RARA: variants seen among roughly 807,000 people sequenced by gnomAD.
RARA encodes the protein PML-DDX5-RARA fusion.
Under a neutral mutation model 42.8 loss-of-function variants are expected in RARA, and 5 were observed. The ratio of observed to expected loss-of-function variants is 0.12; its 90% CI spans 0.06 to 0.25. RARA has a LOEUF of 0.25. Ranked by LOEUF, RARA falls within the 10% of genes least tolerant of loss-of-function variation. The pLI is 1.00. For missense variants in RARA, 402 were observed against 628.7 expected (o/e 0.64, Z 3.86); for synonymous variants, 256 against 259.5 (o/e 0.99, Z 0.13).
Position 40,356,364 on chromosome 17 carries a change from G to A in RARA, c.*138G>A. The stretch of plus-strand genomic sequence containing the variant: ...ACTGGGGACCTTCCCTGGGGGACGG[G>A]GAGGGAGGAGGCAGCGACTCCTTGG... On this transcript the variant is annotated 3_prime_UTR_variant, in exon 9 of 9. Coordinates refer to ENST00000254066, the MANE Select transcript of RARA (RefSeq NM_000964.4). The A allele has an allele frequency of 1.0e-6, 1 of 968,708 alleles. No homozygotes were observed. Among genetic ancestry groups the A allele is most frequent in the Non-Finnish European group, 1.6e-6 (1 of 628,240 alleles). The allele number at this position is 968,708 out of a possible 1,614,324, so 60.0% of individuals were successfully genotyped here.
In RARA at chr17:40,339,884, C is replaced by T. The variant is rs539120844; in HGVS notation, c.179-8432C>T. On this transcript the variant is annotated intron_variant, in intron 2 of 8. Transcript: ENST00000254066. ...GCCTTGCTCCATCATTTGAAAGATC[C>T]CGAAGGCATGGAAGCACTCTGTCCT... Among the ~76,000 whole-genome samples, 6 of 152,220 alleles carry T rather than the reference C, an allele frequency of 3.9e-5. No homozygotes were observed. The East Asian group carries it at 9.6e-4, about 24-fold the overall frequency.
At position 40,355,457 on chromosome 17, in the gene RARA, G is replaced by A. The variant is rs758485059; in HGVS notation, c.1171+36G>A. On this transcript the variant is annotated intron_variant, in intron 8 of 8. Coordinates refer to ENST00000254066, the MANE Select transcript of RARA (RefSeq NM_000964.4). The surrounding 1 kb of genome is among the most constrained non-coding windows in gnomAD (Gnocchi z 4.1). ...CAGACCTGGAGGGGTACCGGCCCCCGACACCTGGCCCAGGCCCCCACATCC... is the reference window on the plus strand; with the variant it reads ...CAGACCTGGAGGGGTACCGGCCCCCAACACCTGGCCCAGGCCCCCACATCC... 27 of 1,580,660 alleles carry A rather than the reference G, an allele frequency of 1.7e-5. No individual in the cohort carries two copies. The highest frequency in any genetic ancestry group is 2.3e-5 in the East Asian group (1 of 44,324).
intron 1 of RARA, among the ~76,000 whole-genome samples, chr17:40,321,354 G>A (rs2143200526): frequency 6.6e-6 from 1 of 151,852 alleles, no homozygotes; most frequent in Admixed American, 6.6e-5. Context: ...CTCCCCCCTA[G>A]CTGGGACCGC....
At chr17:40,348,514 T>C in intron 3 of RARA, 50 bp downstream of exon 3, 1 of 1,588,822 alleles carries the variant, frequency 6.3e-7, no homozygotes, top group Non-Finnish European at 8.6e-7. Context: ...GTCAATGGGA[T>C]GTCCCCACTT....
intron 3 of RARA, chr17:40,348,753 T>G: frequency 3.6e-6 from 1 of 274,120 alleles, no homozygotes; most frequent in Non-Finnish European, 6.8e-6. Context: ...GCTGCCCAGG[T>G]TGCCATGGTG....
intron 2 of RARA, among the ~76,000 whole-genome samples, chr17:40,334,043 C>A (rs1404384841): frequency 6.6e-6 from 1 of 152,232 alleles, no homozygotes; most frequent in African/African-American, 2.4e-5. Context: ...GACACTCTGT[C>A]CATCTGGAGC....
chr17:40,337,868 A>T (rs1442228961), intron 2 of RARA, among the ~76,000 whole-genome samples: 1 of 151,744 alleles, frequency 6.6e-6, no homozygotes. Context: ...CCTGCTTCCC[A>T]CTCTTTCCCT....
chr17:40,324,172 A>T (rs1048521024), intron 1 of RARA, among the ~76,000 whole-genome samples: 10 of 152,088 alleles, frequency 6.6e-5, no homozygotes, highest in Non-Finnish European at 1.5e-4. Context: ...GTGGTTTCCA[A>T]GCTAGGGGGT....
rs1209654119 is a variant in RARA at position 40,345,755 on chromosome 17, C to T, written c.179-2561C>T. On this transcript the variant is annotated intron_variant, in intron 2 of 8. Transcript: ENST00000254066. This position sits in a 1 kb window ranked among gnomAD's most constrained non-coding sequence, Gnocchi z 4.8. ...GATGGGCCAGGCCCGGGCAGTCCCT[C>T]CCCCGTTGGTGTCCCTCCCCACTCC... Among the ~76,000 whole-genome samples, 1 of 152,138 alleles carries T rather than the reference C, an allele frequency of 6.6e-6. No individual in the cohort carries two copies. Among genetic ancestry groups the T allele is most frequent in the African/African-American group, 2.4e-5 (1 of 41,418 alleles).
rs2715552 is a variant in RARA at position 40,340,103 on chromosome 17, C to T, written c.179-8213C>T. Among the ~76,000 whole-genome samples, 338 of 152,210 alleles carry T rather than the reference C, an allele frequency of 2.2e-3. 3 individuals carry two copies. Among genetic ancestry groups the T allele is most frequent in the Non-Finnish European group, 2.8e-3 (193 of 68,020 alleles). ...CACAAGTCTCTTTGCTACCTCTTTT[C>T]CCATACCCCTTACCCCCACCCCCCC... On this transcript the variant is annotated intron_variant, in intron 2 of 8. Transcript: ENST00000254066.
chr17:40,323,790 C>G (rs958996004), intron 1 of RARA, among the ~76,000 whole-genome samples: 15 of 122,740 alleles, frequency 1.2e-4, no homozygotes, highest in African/African-American at 4.6e-4. Context: ...TGACTCAGGC[C>G]TGGTCTGGGG....
chr17:40,323,870 G>C (rs986939366), intron 1 of RARA, among the ~76,000 whole-genome samples: 1 of 151,576 alleles, frequency 6.6e-6, no homozygotes, highest in African/African-American at 2.4e-5. Context: ...CTGCAGCGTG[G>C]GTCCCCAGGG....
intron 2 of RARA, among the ~76,000 whole-genome samples, chr17:40,336,227 G>A (rs1444074950): frequency 1.3e-5 from 2 of 152,008 alleles, no homozygotes; most frequent in South Asian, 4.1e-4. Flanking sequence ...ACAGGCGCCC[G>A]CCACTATGCT....
chr17:40,332,127 G>A (rs544057326), intron 2 of RARA, among the ~76,000 whole-genome samples: 39 of 152,316 alleles, frequency 2.6e-4, no homozygotes, highest in African/African-American at 9.4e-4. Context: ...CCGGCTGGCC[G>A]AGCCAGGTAG....
chr17:40,311,724 G>A (rs2033100022), intron 1 of RARA, among the ~76,000 whole-genome samples: 2 of 152,288 alleles, frequency 1.3e-5, no homozygotes. Flanking sequence ...TCCCCTGCAG[G>A]GCTCCAGAGA....
Position 40,319,957 on chromosome 17 carries a change from TG to T in RARA, c.-363+10673del, listed in dbSNP as rs572820033. Among the ~76,000 whole-genome samples, 4 of 151,870 alleles carry T rather than the reference TG, an allele frequency of 2.6e-5. No homozygotes were observed. The East Asian group carries it at 7.8e-4, about 29-fold the overall frequency. Reference sequence around the variant, plus strand: ...TCAGGGAGTTTGTGGCTGTGAAAAATGGTATGCTGGAGGGAGCTGGGACATC... The same window carrying T: ...TCAGGGAGTTTGTGGCTGTGAAAAATGTATGCTGGAGGGAGCTGGGACATC... On this transcript the variant is annotated intron_variant, in intron 1 of 8. Coordinates refer to ENST00000254066, the MANE Select transcript of RARA (RefSeq NM_000964.4).
At chr17:40,316,370 G>A (rs922224004) in intron 1 of RARA, among the ~76,000 whole-genome samples, 1 of 152,230 alleles carries the variant, frequency 6.6e-6, no homozygotes, top group Non-Finnish European at 1.5e-5. Context: ...TTGTTCATGC[G>A]TGGATGTGCA....
chr17:40,314,926 A>G (rs1445327487), intron 1 of RARA, among the ~76,000 whole-genome samples: 1 of 151,310 alleles, frequency 6.6e-6, no homozygotes, highest in Non-Finnish European at 1.5e-5. Context: ...TCTCTCTGGC[A>G]TGTCCTGGCC....
intron 2 of RARA, among the ~76,000 whole-genome samples, chr17:40,334,904 G>GT (rs2033801454): frequency 6.6e-6 from 1 of 152,158 alleles, no homozygotes; most frequent in Admixed American, 6.5e-5. Flanking sequence ...GGAGGGCTGT[G>GT]TATTTGTTCT....
Sources: allele counts gnomAD v4.1 joint callset (sites outside exome capture counted in the v4.1 genomes callset), GRCh38; gene constraint gnomAD v4.1.1; non-coding constraint Gnocchi (gnomAD v3.1); transcripts MANE v1.5; gene names NCBI Gene and HGNC (gene_info 2026-07-23, HGNC 2026-07-21).